Variants in MTHFD2L observed in about 807,000 individuals in gnomAD.
The protein encoded by MTHFD2L is methylenetetrahydrofolate dehydrogenase (NADP+ dependent) 2 like, also known as bifunctional methylenetetrahydrofolate dehydrogenase/cyclohydrolase 2, mitochondrial.
MTHFD2L carries 29 observed loss-of-function variants against 34.9 expected under a neutral mutation model. The observed-to-expected ratio is 0.83, with a 90% CI of 0.62 to 1.13. The LOEUF is 1.13. MTHFD2L is among the 50% of genes most tolerant of loss of function. The probability of loss-of-function intolerance (pLI) is 0.00; values close to 1 mark genes in which losing one functional copy is unlikely to be tolerated. For synonymous variants in MTHFD2L, 167 were observed against 155.7 expected (o/e 1.07, Z -0.54); for missense variants, 481 against 446.5 (o/e 1.08, Z -0.70).
intron 6 of MTHFD2L, among the ~76,000 whole-genome samples, chr4:74,253,251 A>G (rs73824433): frequency 0.022 from 3,284 of 152,240 alleles, 102 homozygotes; most frequent in African/African-American, 0.073. Flanking sequence ...ACCAAAATAT[A>G]TATGTTCATC....
intron 5 of MTHFD2L, among the ~76,000 whole-genome samples, chr4:74,219,921 G>A (rs189832550): frequency 1.0e-3 from 153 of 152,150 alleles, no homozygotes; most frequent in Non-Finnish European, 1.1e-3. Flanking sequence ...ACCTACAAGG[G>A]TTTTCCACGC....
At position 74,254,861 on chromosome 4, in the gene MTHFD2L, G is replaced by A. The variant is rs952510035; in HGVS notation, c.806-26564G>A. ...GCAAGAATTAGTTAATTGGCTGGGC[G>A]CAGTGGCTCCTGCCTGTAATCCTAG... On this transcript the variant is annotated intron_variant, in intron 6 of 7. Coordinates refer to ENST00000325278, the MANE Select transcript of MTHFD2L (RefSeq NM_001144978.3). Among the ~76,000 whole-genome samples, 104 of 152,174 alleles carry A rather than the reference G, an allele frequency of 6.8e-4. 1 individual carries two copies. The highest frequency in any genetic ancestry group is 1.3e-3 in the Non-Finnish European group (89 of 68,008).
chr4:74,128,607 G>C (rs1024421071), intron 1 of MTHFD2L, among the ~76,000 whole-genome samples: 15 of 151,958 alleles, frequency 9.9e-5, no homozygotes, highest in Admixed American at 2.0e-4. Flanking sequence ...ATGCTAATTT[G>C]GTTACCATAC....
intron 7 of MTHFD2L, among the ~76,000 whole-genome samples, chr4:74,289,650 G>A (rs982997450): frequency 2.6e-5 from 4 of 152,290 alleles, no homozygotes; most frequent in East Asian, 1.9e-4. Flanking sequence ...AGAGGCTATT[G>A]TAATTATCCA....
At chr4:74,213,919 T>C (rs1736763092) in intron 5 of MTHFD2L, among the ~76,000 whole-genome samples, 1 of 149,246 alleles carries the variant, frequency 6.7e-6, no homozygotes, top group South Asian at 2.1e-4. Flanking sequence ...TTCATTCTTT[T>C]TTCTCTAATC....
At position 74,191,718 on chromosome 4, in the gene MTHFD2L, T is replaced by A. The variant is rs147440728; in HGVS notation, c.452-8076T>A. Among the ~76,000 whole-genome samples the A allele has an allele frequency of 8.6e-3, 1,303 of 151,884 alleles. 26 individuals carry two copies. The highest frequency in any genetic ancestry group is 0.03 in the African/African-American group (1,247 of 41,446). On this transcript the variant is annotated intron_variant, in intron 3 of 7. Coordinates refer to ENST00000325278, the MANE Select transcript of MTHFD2L (RefSeq NM_001144978.3). ...GGCACCTGCCACCACGCCCAGGTAA[T>A]TTTTTGTATTTTTAGGGTTTTGTAT...
rs893108601 is a variant in MTHFD2L at position 74,246,396 on chromosome 4, A to G, written c.805+21002A>G. ...GATATTGGCCCTTTGTCAGATGAGTAGGTTGCGAAAATTTTCTCCCATTTT... is the reference window on the plus strand; with the variant it reads ...GATATTGGCCCTTTGTCAGATGAGTGGGTTGCGAAAATTTTCTCCCATTTT... On this transcript the variant is annotated intron_variant, in intron 6 of 7. Coordinates refer to ENST00000325278, the MANE Select transcript of MTHFD2L (RefSeq NM_001144978.3). Among the ~76,000 whole-genome samples the G allele has an allele frequency of 5.3e-5, 8 of 151,894 alleles. No individual in the cohort carries two copies. The South Asian group carries it at 8.3e-4, about 16-fold the overall frequency.
chr4:74,253,284 CA>C (rs1743563358), intron 6 of MTHFD2L, among the ~76,000 whole-genome samples: 1 of 151,898 alleles, frequency 6.6e-6, no homozygotes, highest in Admixed American at 6.6e-5. Context: ...TGTAAAATAA[CA>C]TTAATAATTA....
At chr4:74,213,277 A>G (rs1283485871) in intron 5 of MTHFD2L, among the ~76,000 whole-genome samples, 4 of 152,166 alleles carry the variant, frequency 2.6e-5, no homozygotes, top group African/African-American at 9.6e-5. Flanking sequence ...TAGTTGATGC[A>G]GTTTCTTCAT....
At chr4:74,221,210 T>A (rs1738124905) in intron 5 of MTHFD2L, among the ~76,000 whole-genome samples, 1 of 147,074 alleles carries the variant, frequency 6.8e-6, no homozygotes, top group Non-Finnish European at 1.5e-5. Flanking sequence ...CTTTTTGGTA[T>A]TAATTAAAAT....
intron 3 of MTHFD2L, among the ~76,000 whole-genome samples, chr4:74,181,142 T>C (rs1422239808): frequency 6.6e-6 from 1 of 152,092 alleles, no homozygotes; most frequent in Non-Finnish European, 1.5e-5. Flanking sequence ...GCTATAAATG[T>C]TTGTTATAGA....
intron 3 of MTHFD2L, among the ~76,000 whole-genome samples, chr4:74,190,863 C>G (rs1013979361): frequency 2.6e-5 from 4 of 152,094 alleles, no homozygotes; most frequent in Non-Finnish European, 5.9e-5. Flanking sequence ...ATTCCAGAGG[C>G]AAGAATTTTG....
chr4:74,142,351 G>A (rs1052589296), intron 1 of MTHFD2L, among the ~76,000 whole-genome samples: 2 of 152,090 alleles, frequency 1.3e-5, no homozygotes, highest in African/African-American at 4.8e-5. Flanking sequence ...AGGTAATTAG[G>A]CTATGAGAGT....
intron 2 of MTHFD2L, among the ~76,000 whole-genome samples, chr4:74,117,808 T>G (rs1721680389): frequency 6.6e-6 from 1 of 152,152 alleles, no homozygotes; most frequent in Admixed American, 6.5e-5. Flanking sequence ...ATCACTTTTG[T>G]CTTAAGAACT....
At chr4:74,191,115 G>T (rs1732399550) in intron 3 of MTHFD2L, among the ~76,000 whole-genome samples, 1 of 152,048 alleles carries the variant, frequency 6.6e-6, no homozygotes, top group Non-Finnish European at 1.5e-5. Context: ...TGGCCAGACT[G>T]GTCTCAAACT....
intron 6 of MTHFD2L, among the ~76,000 whole-genome samples, chr4:74,264,017 A>T (rs73824448): frequency 0.043 from 6,473 of 151,628 alleles, 452 homozygotes; most frequent in African/African-American, 0.15. Context: ...CATTCCTGAT[A>T]AAAAAAAATT....
In MTHFD2L at chr4:74,301,747, C is replaced by A; in HGVS notation, c.982C>A (p.Pro328Thr). The A allele has an allele frequency of 6.2e-7, 1 of 1,608,020 alleles. No homozygotes were observed. The highest frequency in any genetic ancestry group is 1.1e-5 in the South Asian group (1 of 90,354). ...FITPVPGGVG[P>T]MTVAMLLKNT... ...CACTCCAGTTCCAGGAGGTGTGGGA[C>A]CCATGACAGTGGCAATGCTTCTGAA... is the stretch of plus-strand genomic sequence containing the variant. The change falls in exon 8 of 8, where the codon CCC becomes ACC. Residue 328 changes from proline (P) to threonine (T), a missense_variant. Physicochemically the swap from Pro to Thr is conservative, Grantham distance 38. Coordinates refer to ENST00000325278, the MANE Select transcript of MTHFD2L (RefSeq NM_001144978.3).
At chr4:74,291,266 C>T (rs1419292916) in intron 7 of MTHFD2L, among the ~76,000 whole-genome samples, 8 of 151,754 alleles carry the variant, frequency 5.3e-5, no homozygotes, top group Admixed American at 2.0e-4. Context: ...TTGCCCAGCT[C>T]GGCCTCCCAA....
chr4:74,118,224 T>A (rs1721689054), intron 2 of MTHFD2L, among the ~76,000 whole-genome samples: 2 of 152,206 alleles, frequency 1.3e-5, no homozygotes, highest in Non-Finnish European at 2.9e-5. Flanking sequence ...GAATAAAAGT[T>A]TGCTTTTCTT....
Sources: allele counts gnomAD v4.1 joint callset (sites outside exome capture counted in the v4.1 genomes callset), GRCh38; gene constraint gnomAD v4.1.1; transcripts MANE v1.5; gene names NCBI Gene and HGNC (gene_info 2026-07-23, HGNC 2026-07-21).